Variants in AGBL4 observed in about 807,000 individuals in gnomAD.
AGBL4 encodes the protein AGBL carboxypeptidase 4.
A neutral mutation model predicts 66.4 loss-of-function variants in AGBL4; 58 were observed. The ratio of observed to expected loss-of-function variants is 0.87; its 90% CI spans 0.71 to 1.09. AGBL4 has a LOEUF of 1.09. AGBL4 is among the 50% of genes least tolerant of loss of function. The pLI is 0.00. For synonymous variants in AGBL4, 234 were observed against 222.9 expected (o/e 1.05, Z -0.44); for missense variants, 579 against 631.0 (o/e 0.92, Z 0.88).
chr1:49,561,255 A>T (rs905173647), intron 3 of AGBL4, among the ~76,000 whole-genome samples: 2 of 151,890 alleles, frequency 1.3e-5, no homozygotes, highest in East Asian at 3.8e-4. Flanking sequence ...TTTTTAAAAA[A>T]AATTGTATAT....
chr1:49,135,645 T>A (rs1645996088), intron 4 of AGBL4, among the ~76,000 whole-genome samples: 2 of 152,198 alleles, frequency 1.3e-5, no homozygotes, highest in African/African-American at 4.8e-5. Flanking sequence ...GTTGGGCTAG[T>A]TAACTGCAGC....
intron 3 of AGBL4, among the ~76,000 whole-genome samples, chr1:49,562,569 C>A (rs1224793300): frequency 1.3e-5 from 2 of 152,082 alleles, no homozygotes; most frequent in Non-Finnish European, 1.5e-5. Context: ...ATAGGGAATC[C>A]TTTCCCCCTT....
intron 2 of AGBL4, among the ~76,000 whole-genome samples, chr1:49,823,514 GC>G (rs1274452210): frequency 6.6e-6 from 1 of 152,160 alleles, no homozygotes; most frequent in Admixed American, 6.5e-5. Context: ...ATGGAATAGA[GC>G]AAATGCAAGA....
At chr1:49,314,921 T>G (rs994558042) in intron 3 of AGBL4, among the ~76,000 whole-genome samples, 2 of 152,124 alleles carry the variant, frequency 1.3e-5, no homozygotes, top group Non-Finnish European at 2.9e-5. Context: ...ATGATCACCA[T>G]TCTAACTGCT....
In AGBL4 at chr1:49,479,518, C is replaced by G. The variant is rs1308361801; in HGVS notation, c.282+217795G>C. On this transcript the variant is annotated intron_variant, in intron 3 of 13. Coordinates refer to ENST00000371839, the MANE Select transcript of AGBL4 (RefSeq NM_032785.4). ...TCCCCTCTATGTGTCTGTGTGTTATCATCATTTAGGTCCCACTTATAAGTG... is the reference window on the plus strand; with the variant it reads ...TCCCCTCTATGTGTCTGTGTGTTATGATCATTTAGGTCCCACTTATAAGTG... Among the ~76,000 whole-genome samples the G allele has an allele frequency of 2.0e-5, 3 of 151,750 alleles. 1 individual carries two copies. Among genetic ancestry groups the G allele is most frequent in the Admixed American group, 2.0e-4 (3 of 15,240 alleles).
At chr1:48,666,565 A>G (rs775649723) in intron 6 of AGBL4, among the ~76,000 whole-genome samples, 9 of 152,048 alleles carry the variant, frequency 5.9e-5, no homozygotes, top group Non-Finnish European at 1.2e-4. Context: ...TGTCACTATA[A>G]CCCTCTATCA....
intron 3 of AGBL4, among the ~76,000 whole-genome samples, chr1:49,425,017 T>A (rs1645624971): frequency 6.6e-6 from 1 of 152,080 alleles, no homozygotes; most frequent in African/African-American, 2.4e-5. Flanking sequence ...GAAACTCAAG[T>A]TTCAGGAGCC....
At chr1:49,292,204 C>T (rs921457806) in intron 3 of AGBL4, among the ~76,000 whole-genome samples, 3 of 152,204 alleles carry the variant, frequency 2.0e-5, no homozygotes, top group African/African-American at 7.2e-5. Context: ...TCAGCCCACT[C>T]CAGTCTTTGG....
chr1:49,075,535 T>C (rs1052427217), intron 4 of AGBL4, among the ~76,000 whole-genome samples: 24 of 152,220 alleles, frequency 1.6e-4, no homozygotes, highest in Non-Finnish European at 1.2e-4. Flanking sequence ...TTAGAGTATA[T>C]ACATTAAATG....
At chr1:49,564,095 G>A (rs1021846964) in intron 3 of AGBL4, among the ~76,000 whole-genome samples, 34 of 152,178 alleles carry the variant, frequency 2.2e-4, no homozygotes, top group Admixed American at 8.5e-4. Context: ...GTTTATGTGC[G>A]TAGAGGTGTT....
At chr1:49,402,674 T>A (rs1313462324) in intron 3 of AGBL4, among the ~76,000 whole-genome samples, 1 of 152,022 alleles carries the variant, frequency 6.6e-6, no homozygotes, top group Non-Finnish European at 1.5e-5. Flanking sequence ...TTCAAGTGAT[T>A]CTCCTGCCTC....
At chr1:49,586,968 C>T (rs1644660485) in intron 3 of AGBL4, among the ~76,000 whole-genome samples, 1 of 152,124 alleles carries the variant, frequency 6.6e-6, no homozygotes, top group Non-Finnish European at 1.5e-5. Flanking sequence ...TTGGTTTGTT[C>T]CATTCCTACT....
chr1:48,539,592 C>G, intron 12 of AGBL4, 50 bp downstream of exon 12: 1 of 1,395,480 alleles, frequency 7.2e-7, no homozygotes, highest in South Asian at 1.5e-5. Flanking sequence ...CCCCTGAATA[C>G]AGCCCGTGGA....
In AGBL4 at chr1:49,738,721, A is replaced by G. The variant is rs528591345; in HGVS notation, c.158-41284T>C. Reference sequence around the variant, plus strand: ...CTGAGACAAAACTTCCAGAGGAACGATCAGGCAGCAACATTTGCTGTTCAC... The same window carrying G: ...CTGAGACAAAACTTCCAGAGGAACGGTCAGGCAGCAACATTTGCTGTTCAC... On this transcript the variant is annotated intron_variant, in intron 2 of 13. Coordinates refer to ENST00000371839, the MANE Select transcript of AGBL4 (RefSeq NM_032785.4). Among the ~76,000 whole-genome samples the G allele has an allele frequency of 4.6e-5, 7 of 152,304 alleles. No homozygotes were observed. The East Asian group carries it at 1.4e-3, about 30-fold the overall frequency.
intron 2 of AGBL4, among the ~76,000 whole-genome samples, chr1:49,739,336 G>C (rs567049115): frequency 9.9e-5 from 15 of 152,270 alleles, no homozygotes; most frequent in Admixed American, 1.3e-4. Context: ...GAAATGAAGA[G>C]AGAAGAGAAG....
intron 3 of AGBL4, among the ~76,000 whole-genome samples, chr1:49,353,180 G>A (rs191895125): frequency 6.6e-5 from 10 of 152,184 alleles, no homozygotes; most frequent in East Asian, 1.9e-4. Flanking sequence ...GCTCTAGTCC[G>A]TCTCTGCTGT....
intron 5 of AGBL4, among the ~76,000 whole-genome samples, chr1:49,006,239 C>G (rs536802986): frequency 6.6e-6 from 1 of 152,252 alleles, no homozygotes; most frequent in East Asian, 1.9e-4. Flanking sequence ...AGGGAGTTCC[C>G]TTTCCTAGTC....
At chr1:48,980,711 A>C (rs1659679521) in intron 5 of AGBL4, among the ~76,000 whole-genome samples, 1 of 127,108 alleles carries the variant, frequency 7.9e-6, no homozygotes, top group African/African-American at 3.0e-5. Flanking sequence ...TTAAAAAGTA[A>C]AGAAGAAATA....
At chr1:49,271,384 G>A (rs1644054060) in intron 3 of AGBL4, among the ~76,000 whole-genome samples, 2 of 151,548 alleles carry the variant, frequency 1.3e-5, no homozygotes, top group African/African-American at 4.8e-5. Flanking sequence ...GGGTACTTTC[G>A]ATTTAAAAAA....
Sources: gnomAD v4.1 joint callset for allele counts (sites outside exome capture counted in the v4.1 genomes callset) on GRCh38, gnomAD v4.1.1 for gene constraint, MANE v1.5 for transcripts, NCBI Gene and HGNC (gene_info 2026-07-23, HGNC 2026-07-21) for gene names.